GRID2: variants seen among roughly 807,000 people sequenced by gnomAD.
The protein encoded by GRID2 is glutamate receptor ionotropic, delta-2.
A neutral mutation model predicts 114.8 loss-of-function variants in GRID2; 33 were observed. The observed-to-expected ratio is 0.29, with a 90% confidence interval of 0.22 to 0.38. The LOEUF (loss-of-function observed/expected upper bound fraction) is 0.38, where lower values mean the gene tolerates loss of function less well. GRID2 is among the 10% of genes least tolerant of loss of function. The probability of loss-of-function intolerance (pLI) is 1.00; values close to 1 mark genes in which losing one functional copy is unlikely to be tolerated. For synonymous variants in GRID2, 505 were observed against 449.9 expected, an observed-to-expected ratio of 1.12 and a Z score of -1.55; for missense variants, 1,184 against 1,257.7, an observed-to-expected ratio of 0.94 and a Z score of 0.89.
At chr4:92,961,123 T>C (rs1333309579) in intron 2 of GRID2, among the ~76,000 whole-genome samples, 1 of 151,924 alleles carries the variant, frequency 6.6e-6, no homozygotes, top group Non-Finnish European at 1.5e-5. Context: ...TTGCTGTTAT[T>C]CATTTCACAT....
chr4:93,270,867 G>C (rs746653182), intron 8 of GRID2, among the ~76,000 whole-genome samples: 3 of 152,098 alleles, frequency 2.0e-5, no homozygotes, highest in Non-Finnish European at 4.4e-5. Context: ...GACCTCAGGT[G>C]ATCCACCCAC....
intron 1 of GRID2, among the ~76,000 whole-genome samples, chr4:92,379,155 T>G (rs1428999412): frequency 6.6e-6 from 1 of 151,956 alleles, no homozygotes; most frequent in Non-Finnish European, 1.5e-5. Flanking sequence ...TATTTAAACA[T>G]GTACTTGTAT....
chr4:92,693,876 T>C (rs1339301910), intron 2 of GRID2, among the ~76,000 whole-genome samples: 2 of 152,204 alleles, frequency 1.3e-5, no homozygotes, highest in Non-Finnish European at 2.9e-5. Flanking sequence ...ATATATGATA[T>C]TACACGTTAT....
chr4:93,262,095 T>A (rs374214791), intron 8 of GRID2, among the ~76,000 whole-genome samples: 1 of 151,558 alleles, frequency 6.6e-6, no homozygotes, highest in East Asian at 1.9e-4. Context: ...AATAAAAAAT[T>A]AGCAAGTAAA....
intron 2 of GRID2, among the ~76,000 whole-genome samples, chr4:92,965,306 G>A (rs746139454): frequency 6.6e-6 from 1 of 151,330 alleles, no homozygotes; most frequent in Non-Finnish European, 1.5e-5. Flanking sequence ...ATCACCATAA[G>A]AGATATAACA....
intron 1 of GRID2, among the ~76,000 whole-genome samples, chr4:92,506,442 T>A (rs1274399698): frequency 6.6e-6 from 1 of 151,956 alleles, no homozygotes; most frequent in Non-Finnish European, 1.5e-5. Flanking sequence ...AGAGGGAAGC[T>A]GTTTTTAGAA....
At chr4:92,973,340 G>A (rs1463327624) in intron 2 of GRID2, among the ~76,000 whole-genome samples, 2 of 152,158 alleles carry the variant, frequency 1.3e-5, no homozygotes, top group Non-Finnish European at 2.9e-5. Flanking sequence ...GGAAGCAGGT[G>A]AGTTTGGATC....
At chr4:93,082,493 C>T (rs1729956933) in intron 2 of GRID2, among the ~76,000 whole-genome samples, 1 of 152,100 alleles carries the variant, frequency 6.6e-6, no homozygotes, top group Admixed American at 6.6e-5. Context: ...CTCCCACTCT[C>T]TATGAGAAAC....
chr4:92,411,412 A>C (rs1232895444), intron 1 of GRID2, among the ~76,000 whole-genome samples: 1 of 152,008 alleles, frequency 6.6e-6, no homozygotes, highest in Non-Finnish European at 1.5e-5. Flanking sequence ...ATAGAGATCA[A>C]TCTCCAGCAA....
At chr4:93,694,471 C>T (rs894007479) in intron 14 of GRID2, among the ~76,000 whole-genome samples, 3 of 152,150 alleles carry the variant, frequency 2.0e-5, no homozygotes, top group African/African-American at 7.2e-5. Flanking sequence ...CTGGGTCTTG[C>T]GATCCATGTA....
chr4:92,798,188 T>A (rs1256246288), intron 2 of GRID2, among the ~76,000 whole-genome samples: 1 of 152,048 alleles, frequency 6.6e-6, no homozygotes, highest in Non-Finnish European at 1.5e-5. Context: ...CTATTTTGAT[T>A]TCAGACACGT....
At chr4:92,509,325 G>A (rs554800801) in intron 1 of GRID2, among the ~76,000 whole-genome samples, 163 of 151,988 alleles carry the variant, frequency 1.1e-3, no homozygotes, top group Non-Finnish European at 2.1e-3. Context: ...CTTTAATACA[G>A]TGCTTAGCAG....
chr4:92,657,013 T>C (rs1248910838), intron 2 of GRID2, among the ~76,000 whole-genome samples: 1 of 151,730 alleles, frequency 6.6e-6, no homozygotes, highest in Non-Finnish European at 1.5e-5. Context: ...GCTTACAGTA[T>C]GGAATTTCCA....
At chr4:92,954,968 G>T (rs1181509129) in intron 2 of GRID2, among the ~76,000 whole-genome samples, 2 of 118,226 alleles carry the variant, frequency 1.7e-5, no homozygotes, top group Non-Finnish European at 3.4e-5. Context: ...TGGCTGCATA[G>T]TATTCCATGG....
chr4:92,746,202 G>T (rs532351840), intron 2 of GRID2, among the ~76,000 whole-genome samples: 1 of 152,042 alleles, frequency 6.6e-6, no homozygotes, highest in African/African-American at 2.4e-5. Flanking sequence ...TGATTAAATA[G>T]TCTGTTGTAT....
At chr4:92,463,119 T>C (rs538647724) in intron 1 of GRID2, among the ~76,000 whole-genome samples, 1 of 152,100 alleles carries the variant, frequency 6.6e-6, no homozygotes, top group African/African-American at 2.4e-5. Context: ...TGCTTTTAAA[T>C]TGAAGGTTAA....
chr4:92,620,898 A>T (rs889757741), intron 2 of GRID2, among the ~76,000 whole-genome samples: 2 of 151,250 alleles, frequency 1.3e-5, no homozygotes, highest in Non-Finnish European at 3.0e-5. Flanking sequence ...CATATGTAAC[A>T]AACCTGCATA....
chr4:93,190,581 A>T (rs1740884915), intron 4 of GRID2, among the ~76,000 whole-genome samples: 1 of 152,180 alleles, frequency 6.6e-6, no homozygotes, highest in East Asian at 1.9e-4. Flanking sequence ...TCTCAATAAC[A>T]TTTTTTCCAT....
chr4:93,714,690 AGCTTTTTTTCATATGATTGTTGGCC>A (rs1247889881), intron 14 of GRID2, among the ~76,000 whole-genome samples: 1 of 152,042 alleles, frequency 6.6e-6, no homozygotes, highest in Admixed American at 6.6e-5. Flanking sequence ...AGTGATGTTG[AGCTTTTTTTCATATGATTGTTGGCC>A]ACATGTATGT....
Sources: allele counts gnomAD v4.1 joint callset (sites outside exome capture counted in the v4.1 genomes callset), GRCh38; gene constraint gnomAD v4.1.1; transcripts MANE v1.5; gene names NCBI Gene and HGNC (gene_info 2026-07-23, HGNC 2026-07-21).